The following LEF1 variants were observed in gnomAD, a reference collection of about 807,000 sequenced individuals.
The protein encoded by LEF1 is lymphoid enhancer-binding factor 1.
Under a neutral mutation model 51.2 loss-of-function variants are expected in LEF1, and 14 were observed. The observed-to-expected ratio is 0.27, with a 90% CI of 0.18 to 0.43. The LOEUF (loss-of-function observed/expected upper bound fraction) is 0.43, where lower values mean the gene tolerates loss of function less well. Among genes scored for constraint, LEF1 ranks in the 20% least tolerant of loss-of-function variants. The pLI is 1.00. For synonymous variants in LEF1, 185 were observed against 183.2 expected (o/e 1.01, Z -0.08); for missense variants, 386 against 512.0 (o/e 0.75, Z 2.37).
At chr4:108,104,104 A>G (rs1740991721) in intron 3 of LEF1, among the ~76,000 whole-genome samples, 2 of 152,210 alleles carry the variant, frequency 1.3e-5, no homozygotes, top group Admixed American at 1.3e-4. Flanking sequence ...CATTCAATGG[A>G]TGAACTCTGA....
chr4:108,074,677 AG>A (rs1406372337), intron 8 of LEF1, among the ~76,000 whole-genome samples: 3 of 152,222 alleles, frequency 2.0e-5, no homozygotes, highest in Non-Finnish European at 4.4e-5. Context: ...ATGAAAGGAT[AG>A]AAAACCTGAT....
chr4:108,166,817 G>C, intron 1 of LEF1: 1 of 985,898 alleles, frequency 1.0e-6, no homozygotes, highest in Non-Finnish European at 1.2e-6. Flanking sequence ...TTGTTTCCAA[G>C]TGATGGCGGT....
intron 9 of LEF1, among the ~76,000 whole-genome samples, chr4:108,068,416 C>A (rs1738229287): frequency 6.6e-6 from 1 of 152,154 alleles, no homozygotes; most frequent in African/African-American, 2.4e-5. Flanking sequence ...CAAGGCCTTG[C>A]ATAAATTACC....
intron 3 of LEF1, among the ~76,000 whole-genome samples, chr4:108,147,242 T>C (rs1744051751): frequency 6.6e-6 from 1 of 152,054 alleles, no homozygotes; most frequent in Admixed American, 6.6e-5. Flanking sequence ...ACCACGAGAT[T>C]AGCAACAATA....
intron 11 of LEF1, among the ~76,000 whole-genome samples, chr4:108,054,025 C>T (rs563129296): frequency 2.0e-5 from 3 of 152,306 alleles, no homozygotes; most frequent in African/African-American, 7.2e-5. Flanking sequence ...TTTACCCAAA[C>T]CAAGCCCTTC....
At chr4:108,155,507 C>A (rs1158152056) in intron 3 of LEF1, among the ~76,000 whole-genome samples, 1 of 152,184 alleles carries the variant, frequency 6.6e-6, no homozygotes. Flanking sequence ...CATGATGGCA[C>A]AATAGGAACC....
chr4:108,118,927 TCTAA>T (rs1742000072), intron 3 of LEF1, among the ~76,000 whole-genome samples: 1 of 152,040 alleles, frequency 6.6e-6, no homozygotes, highest in South Asian at 2.1e-4. Flanking sequence ...GCACCAACTT[TCTAA>T]CTATTTTTTT....
At chr4:108,109,975 A>T (rs940423418) in intron 3 of LEF1, among the ~76,000 whole-genome samples, 3 of 152,184 alleles carry the variant, frequency 2.0e-5, no homozygotes, top group Admixed American at 6.5e-5. Context: ...ACCAATACAA[A>T]TTAGTTTCTC....
At chr4:108,070,495 G>A (rs926433241) in intron 9 of LEF1, 168 bp downstream of exon 9, 8 of 418,866 alleles carry the variant, frequency 1.9e-5, no homozygotes, top group Middle Eastern at 3.9e-4. Context: ...AAGATAGCTC[G>A]AAGCTTTCAT....
At chr4:108,117,259 C>A (rs1741898507) in intron 3 of LEF1, among the ~76,000 whole-genome samples, 1 of 151,794 alleles carries the variant, frequency 6.6e-6, no homozygotes, top group Non-Finnish European at 1.5e-5. Context: ...TTAAAAAAAA[C>A]CCTGATATTA....
chr4:108,154,260 A>T (rs567808275), intron 3 of LEF1, among the ~76,000 whole-genome samples: 1 of 152,202 alleles, frequency 6.6e-6, no homozygotes, highest in South Asian at 2.1e-4. Context: ...TTAAATGAAA[A>T]CAAACAAGTC....
intron 5 of LEF1, among the ~76,000 whole-genome samples, chr4:108,082,430 G>A (rs907985315): frequency 2.0e-5 from 3 of 152,148 alleles, no homozygotes; most frequent in Admixed American, 6.5e-5. Flanking sequence ...GAGAGAGAGA[G>A]AAAAAGAGAG....
At chr4:108,128,225 C>T (rs1407861114) in intron 3 of LEF1, among the ~76,000 whole-genome samples, 3 of 152,016 alleles carry the variant, frequency 2.0e-5, no homozygotes, top group Non-Finnish European at 4.4e-5. Flanking sequence ...AGAGTTCTCA[C>T]CAAGGAAATT....
At chr4:108,079,719 AC>A (rs1739158471) in intron 6 of LEF1, 105 bp from the exon 7 acceptor site, 1 of 1,098,342 alleles carries the variant, frequency 9.1e-7, no homozygotes, top group African/African-American at 1.6e-5. Flanking sequence ...AAGAGTAAAA[AC>A]ACATCTTTAC....
intron 3 of LEF1, among the ~76,000 whole-genome samples, chr4:108,152,467 C>T (rs1039357800): frequency 6.6e-6 from 1 of 152,166 alleles, no homozygotes; most frequent in Admixed American, 6.5e-5. Context: ...CTCATGAGAT[C>T]TGACGAGAGG....
intron 11 of LEF1, among the ~76,000 whole-genome samples, chr4:108,061,220 G>A (rs916053005): frequency 3.9e-5 from 6 of 152,138 alleles, no homozygotes; most frequent in Non-Finnish European, 8.8e-5. Flanking sequence ...TGTTTTAGGG[G>A]GGTAGGGTGG....
chr4:108,136,213 A>C (rs922169), intron 3 of LEF1, among the ~76,000 whole-genome samples: 6,759 of 152,326 alleles, frequency 0.044, 165 homozygotes, highest in Non-Finnish European at 0.062. Flanking sequence ...CAAACATTAG[A>C]AGTTCCATAA....
At chr4:108,094,966 A>C (rs1740287208) in intron 3 of LEF1, among the ~76,000 whole-genome samples, 1 of 152,122 alleles carries the variant, frequency 6.6e-6, no homozygotes, top group South Asian at 2.1e-4. Context: ...AGGCAGATTT[A>C]CTCCAAAAGG....
Position 108,163,590 on chromosome 4 carries a change from A to G in LEF1, c.392T>C (p.Leu131Pro). The G allele has an allele frequency of 6.2e-7, 1 of 1,613,776 alleles. No individual in the cohort carries two copies. Among genetic ancestry groups the G allele is most frequent in the Non-Finnish European group, 8.5e-7 (1 of 1,179,774 alleles). Reference protein sequence around the residue: ...NNDPYMSNGSLSPPIPRTSNK... With the variant: ...NNDPYMSNGSPSPPIPRTSNK... The stretch of plus-strand genomic sequence containing the variant: ...TACTGTTCTCGGGATGGGTGGAGAA[A>G]GAGATCCATTTGACATGTATGGGTC... The change falls in exon 3 of 12, where the codon CTT (leucine) becomes CCT (proline). Residue 131 changes from leucine (L) to proline (P), a missense_variant. Physicochemically the swap from Leu to Pro is moderately conservative, Grantham distance 98. Transcript: ENST00000265165.
Sources: allele counts gnomAD v4.1 joint callset (sites outside exome capture counted in the v4.1 genomes callset), GRCh38; gene constraint gnomAD v4.1.1; transcripts MANE v1.5; gene names NCBI Gene and HGNC (gene_info 2026-07-23, HGNC 2026-07-21).